The following CFAP20DC variants were observed in gnomAD, a reference collection of about 807,000 sequenced individuals.
CFAP20DC encodes CFAP20 domain containing.
In CFAP20DC, 84 loss-of-function variants were observed where a neutral mutation model predicts 101.7. That is an observed-to-expected ratio of 0.83 (90% CI 0.69 to 0.99). The LOEUF is 0.99. Ranked by LOEUF, CFAP20DC falls within the 50% of genes least tolerant of loss-of-function variation. The pLI is 0.00. For missense variants in CFAP20DC, 1,007 were observed against 970.3 expected (o/e 1.04, Z -0.50); for synonymous variants, 359 against 351.2 (o/e 1.02, Z -0.25).
chr3:58,761,585 A>C (rs1346279660), intron 15 of CFAP20DC, among the ~76,000 whole-genome samples: 2 of 151,798 alleles, frequency 1.3e-5, no homozygotes, highest in African/African-American at 4.8e-5. Flanking sequence ...CTAGCTTTTG[A>C]ATGTGTTTGC....
intron 4 of CFAP20DC, among the ~76,000 whole-genome samples, chr3:58,959,403 T>C (rs2090939820): frequency 6.6e-6 from 1 of 152,204 alleles, no homozygotes; most frequent in Non-Finnish European, 1.5e-5. Flanking sequence ...CAAAGTCTTA[T>C]ATTTGAGTCC....
At chr3:59,011,397 CAAAA>C (rs371802860) in intron 4 of CFAP20DC, among the ~76,000 whole-genome samples, 1 of 114,808 alleles carries the variant, frequency 8.7e-6, no homozygotes, top group Non-Finnish European at 1.9e-5. Context: ...GGCTCCATCT[CAAAA>C]AAAAAAAAAA....
rs1469155909 is a variant in CFAP20DC, at chr3:58,821,315, G to C, written c.2175+10371C>G. On this transcript the variant is annotated intron_variant, in intron 14 of 16. Transcript: ENST00000482387. ...AAATGGGATCTAGTTAAACTAAAGA[G>C]CTTCTGCACAGCAAAAGAAACTACC... Among the ~76,000 whole-genome samples, 12 of 152,200 alleles carry C rather than the reference G, an allele frequency of 7.9e-5. No individual in the cohort carries two copies. The East Asian group carries it at 1.4e-3, about 17-fold the overall frequency.
At chr3:58,898,848 C>A (rs151025739) in intron 6 of CFAP20DC, among the ~76,000 whole-genome samples, 1 of 150,138 alleles carries the variant, frequency 6.7e-6, no homozygotes, top group African/African-American at 2.4e-5. Flanking sequence ...TCAGATTGCT[C>A]ATCTTTGAGT....
chr3:58,917,140 A>C (rs867828705), intron 5 of CFAP20DC, among the ~76,000 whole-genome samples: 18 of 152,182 alleles, frequency 1.2e-4, no homozygotes, highest in African/African-American at 3.9e-4. Flanking sequence ...TGGATTAATA[A>C]GTCAGTTTAT....
At chr3:59,003,842 T>C (rs1258108172) in intron 4 of CFAP20DC, among the ~76,000 whole-genome samples, 2 of 151,998 alleles carry the variant, frequency 1.3e-5, no homozygotes, top group African/African-American at 4.8e-5. Flanking sequence ...AGGATGAAGG[T>C]TTTCTAATTT....
Position 58,936,051 on chromosome 3 carries a change from T to C in CFAP20DC, c.393+1597A>G, listed in dbSNP as rs1197323666. On this transcript the variant is annotated intron_variant, in intron 5 of 16. Transcript: ENST00000482387. Reference sequence around the variant, plus strand: ...TGACAAAGGGCTAATATCCAGAATCTACAATGAACTCAAACAAATTTACAA... The same window carrying C: ...TGACAAAGGGCTAATATCCAGAATCCACAATGAACTCAAACAAATTTACAA... Among the ~76,000 whole-genome samples, 47 of 152,138 alleles carry C rather than the reference T, an allele frequency of 3.1e-4. 3 individuals carry two copies. In the South Asian group the frequency reaches 9.6e-3, roughly 31 times the overall value.
chr3:58,733,448 G>T (rs898547999), intron 3 of CFAP20DC, among the ~76,000 whole-genome samples: 1 of 152,140 alleles, frequency 6.6e-6, no homozygotes, highest in African/African-American at 2.4e-5. Flanking sequence ...GGGAAAAAAT[G>T]TATTAACAGA....
rs189548140 is a variant in CFAP20DC at position 58,859,930 on chromosome 3, G to C, written c.1593+3628C>G. 2.0e-5 allele frequency among the ~76,000 whole-genome samples: 3 copies of C among 152,180 alleles called. No individual in the cohort carries two copies. Among genetic ancestry groups the C allele is most frequent in the Non-Finnish European group, 4.4e-5 (3 of 67,994 alleles). ...GCGATGGCTCATGCCTGTAATCCCA[G>C]CACTTTCGGAAGCCGAGGCAGGCAG... is the stretch of plus-strand genomic sequence containing the variant. On this transcript the variant is annotated intron_variant, in intron 12 of 16. Coordinates refer to ENST00000482387, the MANE Select transcript of CFAP20DC (RefSeq NM_001394063.1). The surrounding 1 kb of genome is among the most constrained non-coding windows in gnomAD (Gnocchi z 4.1).
Position 58,863,439 on chromosome 3 carries a change from T to C in CFAP20DC, c.1593+119A>G. On this transcript the variant is annotated intron_variant, in intron 12 of 16. Coordinates refer to ENST00000482387, the MANE Select transcript of CFAP20DC (RefSeq NM_001394063.1). This position sits in a 1 kb window ranked among gnomAD's most constrained non-coding sequence, Gnocchi z 5.9. ...GCAACTGTGGACTGACATGGCAATCTGTTGCATTTTTATAAATAGCAGTTG... is the reference window on the plus strand; with the variant it reads ...GCAACTGTGGACTGACATGGCAATCCGTTGCATTTTTATAAATAGCAGTTG... 6.7e-7 allele frequency: 1 copy of C among 1,486,184 alleles called. No individual in the cohort carries two copies. The highest frequency in any genetic ancestry group is 8.9e-7 in the Non-Finnish European group (1 of 1,121,422). The allele number at this position is 1,486,184 out of a possible 1,614,324, so 92.1% of individuals were successfully genotyped here.
intron 4 of CFAP20DC, among the ~76,000 whole-genome samples, chr3:59,029,712 T>C (rs577875515): frequency 1.2e-4 from 19 of 152,230 alleles, no homozygotes; most frequent in African/African-American, 4.6e-4. Flanking sequence ...TACTGCAGTC[T>C]GGAGACTAGA....
At chr3:59,039,745 G>A (rs1335425678) in intron 3 of CFAP20DC, 116 bp from the exon 4 acceptor site, 1 of 574,556 alleles carries the variant, frequency 1.7e-6, no homozygotes, top group Non-Finnish European at 2.9e-6. Context: ...GTAATACATA[G>A]AACTGCAAAT....
rs971825078 is a variant in CFAP20DC, at chr3:58,868,156, C to T, written c.1016-220G>A. The stretch of plus-strand genomic sequence containing the variant: ...TTCAAAATTACTGAAACACTTTATT[C>T]ATGTAATATAACCTTATAGAGGGCT... On this transcript the variant is annotated intron_variant, in intron 9 of 16. Coordinates refer to ENST00000482387, the MANE Select transcript of CFAP20DC (RefSeq NM_001394063.1). The surrounding 1 kb of genome is among the most constrained non-coding windows in gnomAD (Gnocchi z 4.6). Among the ~76,000 whole-genome samples the T allele has an allele frequency of 6.6e-6, 1 of 152,144 alleles. No individual in the cohort carries two copies. Among genetic ancestry groups the T allele is most frequent in the African/African-American group, 2.4e-5 (1 of 41,444 alleles).
At chr3:58,818,227 A>C (rs1264268441) in intron 14 of CFAP20DC, among the ~76,000 whole-genome samples, 5 of 152,074 alleles carry the variant, frequency 3.3e-5, no homozygotes. Context: ...AAGAAACTGC[A>C]TCGACTAATG....
At chr3:59,031,437 C>A (rs1198113634) in intron 4 of CFAP20DC, among the ~76,000 whole-genome samples, 1 of 152,150 alleles carries the variant, frequency 6.6e-6, no homozygotes, top group Admixed American at 6.5e-5. Context: ...CCACTTTTCC[C>A]TACACTGAAA....
intron 14 of CFAP20DC, among the ~76,000 whole-genome samples, chr3:58,814,337 G>A (rs1282538733): frequency 6.6e-6 from 1 of 151,868 alleles, no homozygotes; most frequent in South Asian, 2.1e-4. Context: ...CAATAAATTA[G>A]GTATTGATGG....
At chr3:58,948,919 T>G (rs535165063) in intron 4 of CFAP20DC, among the ~76,000 whole-genome samples, 65 of 152,342 alleles carry the variant, frequency 4.3e-4, no homozygotes, top group Non-Finnish European at 8.2e-4. Context: ...CTTCTGGTCC[T>G]GGACTTTTTT....
At chr3:58,763,408 T>A (rs1468191765) in intron 15 of CFAP20DC, among the ~76,000 whole-genome samples, 1 of 152,194 alleles carries the variant, frequency 6.6e-6, no homozygotes, top group Non-Finnish European at 1.5e-5. Context: ...TAAGGACTTC[T>A]CTGCATTGGT....
intron 12 of CFAP20DC, among the ~76,000 whole-genome samples, chr3:58,854,941 C>A (rs1361522555): frequency 2.8e-5 from 4 of 145,286 alleles, no homozygotes; most frequent in Non-Finnish European, 6.0e-5. Context: ...GACTTCATGT[C>A]TAAAACACCA....
Sources: gnomAD v4.1 joint callset for allele counts (sites outside exome capture counted in the v4.1 genomes callset) on GRCh38, gnomAD v4.1.1 for gene constraint, Gnocchi (gnomAD v3.1) non-coding constraint, MANE v1.5 for transcripts, NCBI Gene and HGNC (gene_info 2026-07-23, HGNC 2026-07-21) for gene names.